Variants in POU2F1 observed in about 807,000 individuals in gnomAD.
POU2F1 encodes the protein POU class 2 homeobox 1, also known as POU domain, class 2, transcription factor 1.
POU2F1 carries 16 observed loss-of-function variants against 84.9 expected under a neutral mutation model. That is an observed-to-expected ratio of 0.19 (90% CI 0.13 to 0.29). POU2F1 has a LOEUF of 0.29. Ranked by LOEUF, POU2F1 falls within the 10% of genes least tolerant of loss-of-function variation. The probability of loss-of-function intolerance (pLI) is 1.00; values close to 1 mark genes in which losing one functional copy is unlikely to be tolerated. For missense variants in POU2F1, 738 were observed against 942.6 expected (o/e 0.78, Z 2.84); for synonymous variants, 368 against 368.3 (o/e 1.00, Z 0.01).
At chr1:167,224,150 A>G (rs572059475) in intron 1 of POU2F1, among the ~76,000 whole-genome samples, 2 of 152,310 alleles carry the variant, frequency 1.3e-5, no homozygotes, top group South Asian at 4.1e-4. Context: ...ATTTTGGTTC[A>G]CTTTTAATGC....
Position 167,331,467 on chromosome 1 carries a change from A to G in POU2F1, c.62-1003A>G, listed in dbSNP as rs542512163. 2.3e-4 allele frequency among the ~76,000 whole-genome samples: 35 copies of G among 152,202 alleles called. 1 individual carries two copies. The South Asian group carries it at 6.8e-3, about 30-fold the overall frequency. ...TTGTTCTCTGTTAATAACTAAAGTT[A>G]AATGGTTCTTAACTTATTTAACCAC... On this transcript the variant is annotated intron_variant, in intron 1 of 15. Transcript: ENST00000367866.
rs1650260806 is a variant in POU2F1 at position 167,415,756 on chromosome 1, G to A, written c.2247G>A (p.Val749=). 3 of 1,614,070 alleles carry A rather than the reference G, an allele frequency of 1.9e-6. No individual in the cohort carries two copies. In the East Asian group the frequency reaches 6.7e-5, roughly 36 times the overall value. Residue 749 remains valine (V), a synonymous_variant, in exon 16 of 16, where the codon GTG becomes GTA. Coordinates refer to ENST00000367866, the MANE Select transcript of POU2F1 (RefSeq NM_002697.4). ...CCATCCAGAACTCTCTCTTCACAGT[G>A]GCCTCTGCCAGCGGGGCTGCGTCCA... ...AESIQNSLFT[V]ASASGAASTT...
chr1:167,346,683 C>T (rs910798160), intron 2 of POU2F1, among the ~76,000 whole-genome samples: 1 of 152,206 alleles, frequency 6.6e-6, no homozygotes, highest in African/African-American at 2.4e-5. Context: ...CAGGAGGCAG[C>T]GCTCAGGCAA....
chr1:167,353,299 C>T (rs1254387494), intron 2 of POU2F1, among the ~76,000 whole-genome samples: 1 of 151,498 alleles, frequency 6.6e-6, no homozygotes, highest in Non-Finnish European at 1.5e-5. Flanking sequence ...TTGAGCCTCA[C>T]CACCTCCCTC....
chr1:167,402,964 A>G (rs1225084757), intron 13 of POU2F1, among the ~76,000 whole-genome samples: 1 of 152,252 alleles, frequency 6.6e-6, no homozygotes, highest in Admixed American at 6.5e-5. Flanking sequence ...ACACATTAAG[A>G]ACAAATAGCT....
chr1:167,378,837 C>G (rs570661255), intron 7 of POU2F1, among the ~76,000 whole-genome samples: 7 of 152,198 alleles, frequency 4.6e-5, no homozygotes, highest in Non-Finnish European at 1.0e-4. Flanking sequence ...ACTGCAACCT[C>G]TGCCTCGCGA....
chr1:167,387,401 G>A, intron 8 of POU2F1: 1 of 342,812 alleles, frequency 2.9e-6, no homozygotes, highest in South Asian at 2.2e-5. Context: ...GCTATGGTTG[G>A]TGCTCGTTTT....
intron 2 of POU2F1, among the ~76,000 whole-genome samples, chr1:167,342,421 G>A (rs546720542): frequency 1.3e-5 from 2 of 152,052 alleles, no homozygotes; most frequent in Non-Finnish European, 1.5e-5. Context: ...TTAATTCTTT[G>A]GGATTTACTA....
rs995061129 is a variant in POU2F1 at position 167,397,929 on chromosome 1, C to T, written c.1130-65C>T. The stretch of plus-strand genomic sequence containing the variant: ...TTTTGTCAGTTTTGTTGTTAATATG[C>T]ATATTATGCACATGAATCACTGTGC... On this transcript the variant is annotated intron_variant, in intron 10 of 15. Transcript: ENST00000367866. 1.3e-4 allele frequency: 185 copies of T among 1,465,772 alleles called. 1 individual carries two copies. Among genetic ancestry groups the T allele is most frequent in the Non-Finnish European group, 1.7e-4 (179 of 1,076,280 alleles). 90.8% of individuals were successfully genotyped at this position (1,465,772 alleles called of 1,614,324 possible).
intron 1 of POU2F1, among the ~76,000 whole-genome samples, chr1:167,246,424 T>C (rs2102389749): frequency 6.6e-6 from 1 of 152,356 alleles, no homozygotes; most frequent in Middle Eastern, 3.4e-3. Flanking sequence ...TCTTCTATAT[T>C]GTTCCTTGTT....
chr1:167,385,472 T>TA (rs754961292), intron 8 of POU2F1, among the ~76,000 whole-genome samples: 1 of 151,740 alleles, frequency 6.6e-6, no homozygotes, highest in Non-Finnish European at 1.5e-5. Flanking sequence ...TGGATAGAAA[T>TA]AGAGATCAGT....
At chr1:167,306,335 A>C (rs1257348174) in intron 1 of POU2F1, among the ~76,000 whole-genome samples, 1 of 152,248 alleles carries the variant, frequency 6.6e-6, no homozygotes, top group Non-Finnish European at 1.5e-5. Context: ...ATTCCTGTGT[A>C]CAATAAAGAT....
At chr1:167,410,527 A>T (rs68147460) in intron 13 of POU2F1, among the ~76,000 whole-genome samples, 90,483 of 138,486 alleles carry the variant, frequency 0.65, 28,714 homozygotes, top group East Asian at 0.84. Flanking sequence ...TATTATTATT[A>T]TTATTTTTAA....
intron 12 of POU2F1, among the ~76,000 whole-genome samples, chr1:167,400,764 AT>A (rs1649150051): frequency 6.6e-6 from 1 of 152,182 alleles, no homozygotes; most frequent in Admixed American, 6.5e-5. Context: ...TTCTTTTTAA[AT>A]TTGGTTTTAT....
chr1:167,307,685 C>A (rs1655170996), intron 1 of POU2F1, among the ~76,000 whole-genome samples: 1 of 152,142 alleles, frequency 6.6e-6, no homozygotes, highest in Admixed American at 6.5e-5. Flanking sequence ...CATTCTTCTT[C>A]ATAGCCACAA....
chr1:167,261,990 T>G (rs111718462), intron 1 of POU2F1, among the ~76,000 whole-genome samples: 5 of 152,334 alleles, frequency 3.3e-5, no homozygotes, highest in African/African-American at 1.2e-4. Context: ...CAGCCTTGAT[T>G]ATGTTTGATA....
chr1:167,314,689 G>C (rs933804470), intron 1 of POU2F1, among the ~76,000 whole-genome samples: 1 of 152,120 alleles, frequency 6.6e-6, no homozygotes, highest in African/African-American at 2.4e-5. Context: ...TGGGAGGATT[G>C]CTTGAGCTCA....
chr1:167,363,518 G>C (rs1487753726), intron 2 of POU2F1, among the ~76,000 whole-genome samples: 1 of 152,118 alleles, frequency 6.6e-6, no homozygotes, highest in Admixed American at 6.5e-5. Context: ...TTAAAATAGT[G>C]AAACTTCTAC....
intron 1 of POU2F1, among the ~76,000 whole-genome samples, chr1:167,224,862 T>C (rs1648509827): frequency 6.9e-6 from 1 of 145,294 alleles, no homozygotes; most frequent in African/African-American, 2.6e-5. Context: ...AGAGTCTTGC[T>C]CTGTCTCCCA....
Sources: allele counts gnomAD v4.1 joint callset (sites outside exome capture counted in the v4.1 genomes callset), GRCh38; gene constraint gnomAD v4.1.1; transcripts MANE v1.5; gene names NCBI Gene and HGNC (gene_info 2026-07-23, HGNC 2026-07-21).